Variants in NALF1 observed in about 807,000 individuals in gnomAD.
NALF1 encodes the protein family with sequence similarity 155 member A.
A neutral mutation model predicts 48.4 loss-of-function variants in NALF1; 3 were observed. The ratio of observed to expected loss-of-function variants is 0.06; its 90% confidence interval spans 0.03 to 0.16. NALF1 has a LOEUF of 0.16. NALF1 is among the 10% of genes least tolerant of loss of function. The probability of loss-of-function intolerance (pLI) is 1.00; values close to 1 mark genes in which losing one functional copy is unlikely to be tolerated. For missense variants in NALF1, 526 were observed against 571.5 expected, an observed-to-expected ratio of 0.92 and a Z score of 0.81; for synonymous variants, 262 against 245.7, an observed-to-expected ratio of 1.07 and a Z score of -0.62.
intron 1 of NALF1, among the ~76,000 whole-genome samples, chr13:107,471,084 C>T (rs1171710177): frequency 6.6e-6 from 1 of 152,132 alleles, no homozygotes; most frequent in Admixed American, 6.5e-5. Flanking sequence ...CTTATCCAAA[C>T]CCATTGATAA....
chr13:107,251,556 C>G lies in NALF1; in HGVS notation c.916-40801G>C, dbSNP rs143747910. ...AGCTACATCCCACAGGCTGAAGCCT[C>G]GGAGACGGGTGGCAAGGAGAGGTTA... On this transcript the variant is annotated intron_variant, in intron 1 of 2. Transcript: ENST00000375915. Among the ~76,000 whole-genome samples, 863 of 152,242 alleles carry G rather than the reference C, an allele frequency of 5.7e-3. 8 individuals are homozygous for G. The highest frequency in any genetic ancestry group is 0.019 in the African/African-American group (803 of 41,538).
chr13:107,579,174 C>T (rs1301727404), intron 1 of NALF1, among the ~76,000 whole-genome samples: 2 of 152,210 alleles, frequency 1.3e-5, no homozygotes, highest in African/African-American at 2.4e-5. Flanking sequence ...TCACTGCAAC[C>T]TCCACCTCTT....
chr13:107,502,293 C>G (rs1875550124), intron 1 of NALF1, among the ~76,000 whole-genome samples: 1 of 152,050 alleles, frequency 6.6e-6, no homozygotes, highest in Non-Finnish European at 1.5e-5. Flanking sequence ...TTCTGGGCCC[C>G]CCTCCATCCC....
chr13:107,682,542 C>T lies in NALF1; in HGVS notation c.915+183140G>A, dbSNP rs540557492. On this transcript the variant is annotated intron_variant, in intron 1 of 2. Coordinates refer to ENST00000375915, the MANE Select transcript of NALF1 (RefSeq NM_001080396.3). ...AATATTTCATCCCGAACGAGGCCCC[C>T]GGGACCTCCCACTCAAAATTAGGCT... 1.4e-4 allele frequency among the ~76,000 whole-genome samples: 21 copies of T among 152,276 alleles called. No individual in the cohort carries two copies. The South Asian group carries it at 2.3e-3, about 17-fold the overall frequency.
intron 1 of NALF1, among the ~76,000 whole-genome samples, chr13:107,755,380 A>G (rs1877065216): frequency 2.0e-5 from 3 of 152,036 alleles, no homozygotes; most frequent in Admixed American, 2.0e-4. Context: ...TTGCTCACAC[A>G]GCTTCTTCCA....
intron 1 of NALF1, among the ~76,000 whole-genome samples, chr13:107,331,827 A>T (rs1882474988): frequency 6.6e-6 from 1 of 152,120 alleles, no homozygotes; most frequent in Non-Finnish European, 1.5e-5. Context: ...AGAGAATCAA[A>T]ATGTTTATAA....
intron 1 of NALF1, among the ~76,000 whole-genome samples, chr13:107,289,449 C>G (rs879297898): frequency 1.4e-4 from 21 of 152,008 alleles, no homozygotes; most frequent in Non-Finnish European, 2.8e-4. Context: ...CTAAATATTC[C>G]GGATTTTTTT....
At chr13:107,417,783 G>C (rs1288623294) in intron 1 of NALF1, among the ~76,000 whole-genome samples, 1 of 152,152 alleles carries the variant, frequency 6.6e-6, no homozygotes, top group Non-Finnish European at 1.5e-5. Flanking sequence ...TGGGCTAGCT[G>C]GGCGCAGTTG....
chr13:107,645,680 CAAAAAAAAAA>C (rs56187783), intron 1 of NALF1, among the ~76,000 whole-genome samples: 20,983 of 132,602 alleles, frequency 0.16, 1,892 homozygotes, highest in Admixed American at 0.25. Context: ...TACTGGGAGA[CAAAAAAAAAA>C]AAAAAAAAAA....
At chr13:107,709,417 A>G (rs1423468309) in intron 1 of NALF1, among the ~76,000 whole-genome samples, 1 of 152,200 alleles carries the variant, frequency 6.6e-6, no homozygotes, top group Non-Finnish European at 1.5e-5. Context: ...GAACGTGGAT[A>G]ATTCATGACA....
At chr13:107,557,653 T>C (rs1036178500) in intron 1 of NALF1, among the ~76,000 whole-genome samples, 56 of 152,090 alleles carry the variant, frequency 3.7e-4, no homozygotes, top group African/African-American at 1.3e-3. Flanking sequence ...CACAGCCTTT[T>C]TGAGATGGAA....
chr13:107,430,850 T>G (rs1884367929), intron 1 of NALF1, among the ~76,000 whole-genome samples: 1 of 152,194 alleles, frequency 6.6e-6, no homozygotes, highest in Non-Finnish European at 1.5e-5. Context: ...GTATTTCTAG[T>G]TCTAGATCCC....
At chr13:107,271,819 T>TATTTATTC (rs1881182433) in intron 1 of NALF1, among the ~76,000 whole-genome samples, 1 of 137,402 alleles carries the variant, frequency 7.3e-6, no homozygotes, top group African/African-American at 2.7e-5. Context: ...TATATATATT[T>TATTTATTC]ATATATTTAT....
chr13:107,515,853 C>A (rs185844330), intron 1 of NALF1, among the ~76,000 whole-genome samples: 2 of 152,216 alleles, frequency 1.3e-5, no homozygotes, highest in East Asian at 3.9e-4. Context: ...TCAGGACTTG[C>A]AGGATGGAAA....
At chr13:107,577,685 T>C (rs887110922) in intron 1 of NALF1, among the ~76,000 whole-genome samples, 17 of 152,172 alleles carry the variant, frequency 1.1e-4, no homozygotes, top group Admixed American at 3.3e-4. Flanking sequence ...TATTTTTTGT[T>C]ACATTTTCTC....
chr13:107,826,304 CGTGT>C (rs59010695), intron 1 of NALF1, among the ~76,000 whole-genome samples: 6,666 of 150,588 alleles, frequency 0.044, 172 homozygotes, highest in South Asian at 0.13. Context: ...TGCATGTGCA[CGTGT>C]GTGTGTGTGT....
At chr13:107,615,578 G>T (rs949327339) in intron 1 of NALF1, among the ~76,000 whole-genome samples, 4 of 152,146 alleles carry the variant, frequency 2.6e-5, no homozygotes, top group African/African-American at 9.7e-5. Flanking sequence ...GTCATAACCT[G>T]GAGTGTGTGG....
At chr13:107,764,152 A>G (rs1547801) in intron 1 of NALF1, among the ~76,000 whole-genome samples, 69,439 of 151,912 alleles carry the variant, frequency 0.46, 17,110 homozygotes, top group East Asian at 0.77. Context: ...AGAGGAAATA[A>G]AAAGGCAACA....
chr13:107,426,949 G>T (rs1884290847), intron 1 of NALF1, among the ~76,000 whole-genome samples: 1 of 151,834 alleles, frequency 6.6e-6, no homozygotes, highest in Non-Finnish European at 1.5e-5. Flanking sequence ...AAAGCAAAAA[G>T]CTAAAATAAT....
Sources: allele counts gnomAD v4.1 joint callset (sites outside exome capture counted in the v4.1 genomes callset), GRCh38; gene constraint gnomAD v4.1.1; transcripts MANE v1.5; gene names NCBI Gene and HGNC (gene_info 2026-07-23, HGNC 2026-07-21).